SMURF2: variants seen among roughly 807,000 people sequenced by gnomAD.
SMURF2 encodes the protein SMAD specific E3 ubiquitin protein ligase 2.
A neutral mutation model predicts 109.6 loss-of-function variants in SMURF2; 48 were observed. That is an observed-to-expected ratio of 0.44 (90% CI 0.35 to 0.56). SMURF2 has a LOEUF of 0.56. SMURF2 is among the 20% of genes least tolerant of loss of function. The pLI, the probability that SMURF2 is intolerant of heterozygous loss-of-function variation, is 0.01. For missense variants in SMURF2, 575 were observed against 909.0 expected, an observed-to-expected ratio of 0.63 and a Z score of 4.72; for synonymous variants, 288 against 317.1, an observed-to-expected ratio of 0.91 and a Z score of 0.97.
chr17:64,580,786 T>A lies in SMURF2; in HGVS notation c.772+3A>T, dbSNP rs1555686479. ...TTTTATTTTTCCTTTGTAGTTGTCA[T>A]ACCATAGCCTTCTGGTAGGTCTGGA... On this transcript the variant is annotated splice_donor_region_variant and intron_variant, in intron 8 of 18. Transcript: ENST00000262435. The A allele has an allele frequency of 6.2e-7, 1 of 1,613,720 alleles. No homozygotes were observed. The highest frequency in any genetic ancestry group is 1.3e-5 in the African/African-American group (1 of 74,932).
chr17:64,556,014 G>A lies in SMURF2; in HGVS notation c.1432-16C>T. 3 of 1,569,920 alleles carry A rather than the reference G, an allele frequency of 1.9e-6. No homozygotes were observed. In the South Asian group the frequency reaches 3.5e-5, roughly 18 times the overall value. ...ATAAATGTTCCTGAAATTGAAAACAGTATATATACTCGTTAGGCACTACCC... is the reference window on the plus strand; with the variant it reads ...ATAAATGTTCCTGAAATTGAAAACAATATATATACTCGTTAGGCACTACCC... On this transcript the variant is annotated splice_polypyrimidine_tract_variant and intron_variant, in intron 13 of 18. Coordinates refer to ENST00000262435, the MANE Select transcript of SMURF2 (RefSeq NM_022739.4).
intron 12 of SMURF2, among the ~76,000 whole-genome samples, chr17:64,558,978 C>T (rs1402840264): frequency 6.6e-6 from 1 of 151,960 alleles, no homozygotes; most frequent in East Asian, 1.9e-4. Flanking sequence ...TTTCAAAATT[C>T]TATGTGATGG....
intron 15 of SMURF2, among the ~76,000 whole-genome samples, chr17:64,554,501 A>T (rs1555683869): frequency 6.6e-6 from 1 of 152,084 alleles, no homozygotes; most frequent in Non-Finnish European, 1.5e-5. Context: ...GAACCAAGGA[A>T]CTCAGCCAAC....
intron 10 of SMURF2, among the ~76,000 whole-genome samples, chr17:64,565,367 G>C (rs1366773830): frequency 6.6e-6 from 1 of 152,162 alleles, no homozygotes; most frequent in African/African-American, 2.4e-5. Context: ...TGGGGGTGCT[G>C]GTCTATCCTT....
intron 2 of SMURF2, among the ~76,000 whole-genome samples, chr17:64,605,879 C>T (rs1334947018): frequency 6.7e-6 from 1 of 149,196 alleles, no homozygotes; most frequent in Non-Finnish European, 1.5e-5. Flanking sequence ...TGAATCATCT[C>T]TATTCTAATT....
At chr17:64,572,378 C>T (rs1207968108) in intron 9 of SMURF2, among the ~76,000 whole-genome samples, 1 of 152,122 alleles carries the variant, frequency 6.6e-6, no homozygotes, top group Admixed American at 6.6e-5. Flanking sequence ...CATAAAATGT[C>T]CATTCCATAA....
chr17:64,577,658 C>T (rs1301642800), intron 9 of SMURF2, among the ~76,000 whole-genome samples: 1 of 150,946 alleles, frequency 6.6e-6, no homozygotes, highest in Admixed American at 6.6e-5. Flanking sequence ...TGCTGTAGCA[C>T]GACCAAGGCT....
intron 1 of SMURF2, among the ~76,000 whole-genome samples, chr17:64,660,032 C>T (rs1019146775): frequency 7.2e-5 from 11 of 152,102 alleles, no homozygotes; most frequent in African/African-American, 2.7e-4. Flanking sequence ...CCCCCTTCCC[C>T]TAAAATATAA....
intron 1 of SMURF2, among the ~76,000 whole-genome samples, chr17:64,624,871 T>C (rs1484391222): frequency 6.6e-6 from 1 of 152,080 alleles, no homozygotes; most frequent in African/African-American, 2.4e-5. Flanking sequence ...ATTGCCTCAA[T>C]AAAATATCAT....
At chr17:64,571,721 A>C (rs1345596295) in intron 10 of SMURF2, 77 bp downstream of exon 10, 7 of 1,410,708 alleles carry the variant, frequency 5.0e-6, no homozygotes, top group African/African-American at 1.4e-5. Flanking sequence ...ATCGAGACTC[A>C]CATTTATTAT....
chr17:64,646,544 G>C (rs1555692995), intron 1 of SMURF2, among the ~76,000 whole-genome samples: 1 of 151,432 alleles, frequency 6.6e-6, no homozygotes, highest in Admixed American at 6.6e-5. Flanking sequence ...CCACACACCA[G>C]GCTAATTTTT....
At chr17:64,645,351 T>C (rs1487241989) in intron 1 of SMURF2, among the ~76,000 whole-genome samples, 2 of 152,232 alleles carry the variant, frequency 1.3e-5, no homozygotes, top group Non-Finnish European at 1.5e-5. Context: ...ATACAATGTG[T>C]AGACCTCTTC....
intron 1 of SMURF2, among the ~76,000 whole-genome samples, chr17:64,630,463 G>A (rs1970322971): frequency 1.3e-5 from 2 of 152,276 alleles, no homozygotes; most frequent in South Asian, 4.1e-4. Flanking sequence ...AGTGTGCAGA[G>A]AGCTAACTGG....
chr17:64,613,007 A>G (rs1970066261), intron 1 of SMURF2, among the ~76,000 whole-genome samples: 1 of 152,234 alleles, frequency 6.6e-6, no homozygotes. Context: ...CAGCTTTACT[A>G]AATTACTTTC....
chr17:64,654,689 C>T (rs1164135285), intron 1 of SMURF2, among the ~76,000 whole-genome samples: 2 of 151,928 alleles, frequency 1.3e-5, no homozygotes, highest in Non-Finnish European at 1.5e-5. Context: ...ATTAGCCGGG[C>T]GCGGTGGCAC....
At chr17:64,568,315 T>A (rs992996080) in intron 10 of SMURF2, among the ~76,000 whole-genome samples, 2 of 152,130 alleles carry the variant, frequency 1.3e-5, no homozygotes, top group Non-Finnish European at 2.9e-5. Flanking sequence ...TAAGAAGGTT[T>A]ACCAGCTTGT....
chr17:64,613,705 T>TGTGA (rs1970078243), intron 1 of SMURF2, among the ~76,000 whole-genome samples: 5 of 133,468 alleles, frequency 3.7e-5, no homozygotes, highest in Non-Finnish European at 8.1e-5. Context: ...TGTGTGTGTG[T>TGTGA]GTGTGTGTGT....
At chr17:64,608,260 A>T (rs967994878) in intron 1 of SMURF2, among the ~76,000 whole-genome samples, 1 of 152,082 alleles carries the variant, frequency 6.6e-6, no homozygotes, top group Admixed American at 6.6e-5. Context: ...CTTGGGAATG[A>T]ATCTAAATAA....
At chr17:64,575,127 A>G (rs1969471130) in intron 9 of SMURF2, among the ~76,000 whole-genome samples, 1 of 151,288 alleles carries the variant, frequency 6.6e-6, no homozygotes, top group Non-Finnish European at 1.5e-5. Flanking sequence ...AAAAAAAAAA[A>G]AGTAAAATTT....
Sources: allele counts gnomAD v4.1 joint callset (sites outside exome capture counted in the v4.1 genomes callset), GRCh38; gene constraint gnomAD v4.1.1; transcripts MANE v1.5; gene names NCBI Gene and HGNC (gene_info 2026-07-23, HGNC 2026-07-21).